The following ANKFN1 variants were observed in gnomAD, a reference collection of about 807,000 sequenced individuals.
ANKFN1 encodes the protein ankyrin repeat and fibronectin type-III domain-containing protein 1.
A neutral mutation model predicts 108.7 loss-of-function variants in ANKFN1; 74 were observed. The ratio of observed to expected loss-of-function variants is 0.68; its 90% confidence interval spans 0.56 to 0.83. The LOEUF is 0.83. ANKFN1 is among the 40% of genes least tolerant of loss of function. ANKFN1 has a pLI of 0.00. For missense variants in ANKFN1, 1,505 were observed against 1,382.3 expected (o/e 1.09, Z -1.41); for synonymous variants, 547 against 516.2 (o/e 1.06, Z -0.81).
chr17:56,148,115 T>C (rs56134655), intron 4 of ANKFN1, among the ~76,000 whole-genome samples: 6,315 of 152,292 alleles, frequency 0.041, 443 homozygotes, highest in African/African-American at 0.14. Context: ...AAACTCTTTT[T>C]TCTTGTAGCT....
At chr17:56,457,089 T>A (rs2049731904) in intron 12 of ANKFN1, 129 bp downstream of exon 12, 4 of 1,173,126 alleles carry the variant, frequency 3.4e-6, no homozygotes, top group Non-Finnish European at 4.8e-6. Context: ...TCCTGAGAAT[T>A]TGTGTAAGAC....
At chr17:56,175,655 C>T (rs1225107814) in intron 1 of ANKFN1, among the ~76,000 whole-genome samples, 2 of 152,196 alleles carry the variant, frequency 1.3e-5, no homozygotes, top group African/African-American at 2.4e-5. Flanking sequence ...CATCCATTTC[C>T]ACCATTCCCC....
intron 8 of ANKFN1, among the ~76,000 whole-genome samples, chr17:56,429,908 T>A (rs1223025091): frequency 6.6e-6 from 1 of 152,082 alleles, no homozygotes; most frequent in Non-Finnish European, 1.5e-5. Flanking sequence ...GAGTTGAAAA[T>A]GCATGCACGT....
intron 4 of ANKFN1, among the ~76,000 whole-genome samples, chr17:56,144,409 T>G (rs1338101710): frequency 6.6e-6 from 1 of 152,122 alleles, no homozygotes; most frequent in African/African-American, 2.4e-5. Context: ...CATGCACCAG[T>G]CTACACAGGC....
At chr17:56,144,443 C>T (rs542478865) in intron 4 of ANKFN1, among the ~76,000 whole-genome samples, 30 of 152,288 alleles carry the variant, frequency 2.0e-4, no homozygotes, top group Non-Finnish European at 3.7e-4. Context: ...GGCATGCATC[C>T]AACCTTTCTC....
chr17:56,323,305 T>C (rs777246395), intron 3 of ANKFN1: 10 of 152,520 alleles, frequency 6.6e-5, no homozygotes, highest in Non-Finnish European at 8.8e-5. Flanking sequence ...CTTCTCTAGG[T>C]CTGGCTAATC....
chr17:56,187,721 G>T (rs958962562), intron 1 of ANKFN1, among the ~76,000 whole-genome samples: 16 of 152,278 alleles, frequency 1.1e-4, no homozygotes, highest in African/African-American at 3.6e-4. Context: ...AGAAAATGTG[G>T]CACATATACA....
Position 56,457,945 on chromosome 17 carries a change from G to A in ANKFN1, c.1523G>A (p.Arg508Gln), listed in dbSNP as rs542195287. The A allele has an allele frequency of 1.3e-5, 21 of 1,614,008 alleles. No homozygotes were observed. The highest frequency in any genetic ancestry group is 1.1e-4 in the East Asian group (5 of 44,864). ...TCCTCATCCACAGTGCTGCAAACTC[G>A]GCAGAAGATGCTCGCAGCAACAGCA... The part of the protein sequence containing the change: ...SSSSSTVLQT[R>Q]QKMLAATAQL... Residue 508 changes from arginine (R) to glutamine (Q), a missense_variant, in exon 14 of 21, where the codon CGG becomes CAG. Transcript: ENST00000682825.
At chr17:56,281,415 A>G (rs1463008854) in intron 3 of ANKFN1, among the ~76,000 whole-genome samples, 4 of 152,224 alleles carry the variant, frequency 2.6e-5, no homozygotes, top group Non-Finnish European at 5.9e-5. Flanking sequence ...TATATGGATC[A>G]CAGACCTAAA....
chr17:56,251,714 TC>T (rs2144061018), intron 3 of ANKFN1, among the ~76,000 whole-genome samples: 1 of 152,272 alleles, frequency 6.6e-6, no homozygotes, highest in South Asian at 2.1e-4. Context: ...TTGTTTTGAT[TC>T]CCACTCCAGG....
At chr17:56,292,451 T>C (rs1343257116) in intron 3 of ANKFN1, among the ~76,000 whole-genome samples, 1 of 151,926 alleles carries the variant, frequency 6.6e-6, no homozygotes, top group Non-Finnish European at 1.5e-5. Flanking sequence ...CTACCAAGAG[T>C]GTTCCAGAAT....
chr17:56,178,777 C>T (rs76762903), intron 1 of ANKFN1, among the ~76,000 whole-genome samples: 3,696 of 152,052 alleles, frequency 0.024, 137 homozygotes, highest in African/African-American at 0.084. Flanking sequence ...ACTTCTCAGA[C>T]GTTTAATATG....
At position 56,514,974 on chromosome 17, in the gene ANKFN1, A is replaced by G. The variant is rs2051875873; in HGVS notation, c.*3705A>G. Among the ~76,000 whole-genome samples, 1 of 152,094 alleles carries G rather than the reference A, an allele frequency of 6.6e-6. No individual in the cohort carries two copies. Among genetic ancestry groups the G allele is most frequent in the African/African-American group, 2.4e-5 (1 of 41,440 alleles). On this transcript the variant is annotated 3_prime_UTR_variant, in exon 21 of 21. Transcript: ENST00000682825. ...CTTCCCTTGAAGATAACTCTGTTAG[A>G]CGAGGAGGCATCCCAGAAAATACCT...
rs1363127183 is a variant in ANKFN1 at position 56,245,681 on chromosome 17, TTTAA to T, written c.53+17728_53+17731del. ...TTAAAGTAGAAACATTCTAGTCCTC[TTTAA>T]TTATGTCATTAAAATGAAGAAGAAA... On this transcript the variant is annotated intron_variant, in intron 3 of 20. Coordinates refer to ENST00000682825, the MANE Select transcript of ANKFN1 (RefSeq NM_001370326.1). The T allele has an allele frequency of 3.3e-5, 5 of 152,270 alleles. No homozygotes were observed. In the East Asian group the frequency reaches 9.7e-4, roughly 29 times the overall value. The allele number at this position is 152,270 out of a possible 1,614,324, so 9.4% of individuals were successfully genotyped here. A position where few individuals can be genotyped will look rare whatever the true frequency, so the allele number is the denominator to read the frequency against.
chr17:56,284,584 A>G (rs1328221219), intron 3 of ANKFN1, among the ~76,000 whole-genome samples: 1 of 152,218 alleles, frequency 6.6e-6, no homozygotes. Flanking sequence ...TAGAGTACAA[A>G]GCAGGGTGCT....
chr17:56,425,898 G>T (rs1432328813), intron 8 of ANKFN1, among the ~76,000 whole-genome samples: 1 of 152,128 alleles, frequency 6.6e-6, no homozygotes, highest in African/African-American at 2.4e-5. Flanking sequence ...TTTGAGCTTT[G>T]TTCATATTTA....
chr17:56,155,228 C>T (rs1908992904), intron 1 of ANKFN1, among the ~76,000 whole-genome samples: 1 of 152,200 alleles, frequency 6.6e-6, no homozygotes, highest in Non-Finnish European at 1.5e-5. Context: ...TATTCAGAGT[C>T]ATGAGACTTA....
intron 3 of ANKFN1, among the ~76,000 whole-genome samples, chr17:56,286,903 C>A (rs117181987): frequency 6.6e-6 from 1 of 152,050 alleles, no homozygotes; most frequent in Non-Finnish European, 1.5e-5. Context: ...TAATCAGCCA[C>A]CCCTTCCAAG....
intron 8 of ANKFN1, among the ~76,000 whole-genome samples, chr17:56,399,996 T>C (rs2047712768): frequency 6.6e-6 from 1 of 150,870 alleles, no homozygotes; most frequent in Non-Finnish European, 1.5e-5. Context: ...TGATGGGCAT[T>C]TGTGTTTGTT....
Sources: gnomAD v4.1 joint callset for allele counts (sites outside exome capture counted in the v4.1 genomes callset) on GRCh38, gnomAD v4.1.1 for gene constraint, MANE v1.5 for transcripts, NCBI Gene and HGNC (gene_info 2026-07-23, HGNC 2026-07-21) for gene names.